Variants in RIF1 observed in about 807,000 individuals in gnomAD.
The protein encoded by RIF1 is replication timing regulatory factor 1.
RIF1 carries 45 observed loss-of-function variants against 247.1 expected under a neutral mutation model. The observed-to-expected ratio is 0.18, with a 90% CI of 0.14 to 0.23. The LOEUF is 0.23. RIF1 is among the 10% of genes least tolerant of loss of function. The pLI, the probability that RIF1 is intolerant of heterozygous loss-of-function variation, is 1.00. For synonymous variants in RIF1, 1,087 were observed against 978.8 expected, an observed-to-expected ratio of 1.11 and a Z score of -2.06; for missense variants, 2,967 against 2,862.5, an observed-to-expected ratio of 1.04 and a Z score of -0.83.
At chr2:151,451,161 G>C (rs1694250766) in intron 20 of RIF1, among the ~76,000 whole-genome samples, 1 of 152,294 alleles carries the variant, frequency 6.6e-6, no homozygotes, top group South Asian at 2.1e-4. Context: ...ACAACAGACC[G>C]CAAATCTAGT....
chr2:151,419,590 C>T (rs1687828791), intron 6 of RIF1, among the ~76,000 whole-genome samples: 2 of 152,122 alleles, frequency 1.3e-5, no homozygotes, highest in South Asian at 2.1e-4. Context: ...TCCCAAAGTG[C>T]TGAGATTACA....
At position 151,440,069 on chromosome 2, in the gene RIF1, T is replaced by C. The variant is rs775955737; in HGVS notation, c.1589T>C (p.Leu530Ser). 28 of 1,601,868 alleles carry C rather than the reference T, an allele frequency of 1.7e-5. No individual in the cohort carries two copies. Among genetic ancestry groups the C allele is most frequent in the Middle Eastern group, 3.3e-4 (2 of 5,980 alleles). The change falls in exon 15 of 36, where the codon TTA (leucine) becomes TCA (serine). Residue 530 changes from leucine to serine, a missense_variant. By Grantham distance (145) the Leu-to-Ser change is moderately radical. Coordinates refer to ENST00000444746, the MANE Select transcript of RIF1 (RefSeq NM_018151.5). ...CCAGGTTCTGAAGTTTTGACTCTCTTATTAAAGTCTTTGGAAAGCATAGTA... is the reference window on the plus strand; with the variant it reads ...CCAGGTTCTGAAGTTTTGACTCTCTCATTAAAGTCTTTGGAAAGCATAGTA... Reference protein sequence around the residue: ...EKPGSEVLTLLLKSLESIVKS... With the variant: ...EKPGSEVLTLSLKSLESIVKS...
rs530159030 is a variant in RIF1 at position 151,449,204 on chromosome 2, T to C, written c.2245-2402T>C. Among the ~76,000 whole-genome samples the C allele has an allele frequency of 7.2e-5, 11 of 152,356 alleles. No homozygotes were observed. In the South Asian group the frequency reaches 2.3e-3, roughly 32 times the overall value. On this transcript the variant is annotated intron_variant, in intron 20 of 35. Coordinates refer to ENST00000444746, the MANE Select transcript of RIF1 (RefSeq NM_018151.5). ...TGCTTACATACTTCCTTGTATTGAA[T>C]CATGTGTTTTTGGGATACACTTCTT...
Position 151,466,071 on chromosome 2 carries a change from G to T in RIF1, c.6551G>T (p.Arg2184Ile). 1.2e-6 allele frequency: 2 copies of T among 1,608,078 alleles called. No individual in the cohort carries two copies. Among genetic ancestry groups the T allele is most frequent in the South Asian group, 1.1e-5 (1 of 90,410 alleles). ...TCTCCGTCTACGAGCATTTTAAAGA[G>T]AGGACTAAAAAGATCCCAAGAAGAT... ...LASPSTSILK[R>I]GLKRSQEDEI... The change falls in exon 30 of 36, where the codon AGA becomes ATA. Residue 2184 changes from arginine to isoleucine, a missense_variant. Physicochemically the swap from Arg to Ile is moderately conservative, Grantham distance 97 (BLOSUM62 -3). Transcript: ENST00000444746.
chr2:151,492,495 C>T, intron 9 of RIF1: 1 of 1,606,220 alleles, frequency 6.2e-7, no homozygotes, highest in Non-Finnish European at 8.5e-7. Context: ...AATAAAGAAC[C>T]TGATGCAGGA....
chr2:151,489,992 T>C, intron 9 of RIF1: 1 of 1,607,778 alleles, frequency 6.2e-7, no homozygotes, highest in Non-Finnish European at 8.5e-7. Flanking sequence ...ATGGATGAGA[T>C]GGGATGGAAG....
rs1696775736 is a variant in RIF1 at position 151,465,636 on chromosome 2, C to T, written c.6116C>T (p.Thr2039Ile). Residue 2039 changes from threonine (T) to isoleucine (I), a missense_variant, in exon 30 of 36, where the codon ACA (threonine) becomes ATA (isoleucine). By Grantham distance (89) the Thr-to-Ile change is moderately conservative. This residue lies in a region of RIF1 where 2,028 missense variants were observed against 1,825.6 expected (regional missense o/e 1.11). Coordinates refer to ENST00000444746, the MANE Select transcript of RIF1 (RefSeq NM_018151.5). ...AMAETGHDGE[T>I]ENEGITTKTS... is the part of the protein sequence containing the mutation. ...GCTGAAACTGGCCATGATGGTGAAA[C>T]AGAGAATGAGGGCATAACTACCAAA... 6.2e-7 allele frequency: 1 copy of T among 1,614,032 alleles called. No homozygotes were observed. The highest frequency in any genetic ancestry group is 1.3e-5 in the African/African-American group (1 of 75,012).
In RIF1 at chr2:151,435,506, A is replaced by T. The variant is rs750424945; in HGVS notation, c.1121A>T (p.Asn374Ile). 6.2e-7 allele frequency: 1 copy of T among 1,613,148 alleles called. No individual in the cohort carries two copies. The highest frequency in any genetic ancestry group is 8.5e-7 in the Non-Finnish European group (1 of 1,179,306). Reference sequence around the variant, plus strand: ...CAAAGTACAATAAGCATTGATTCTAATGCCTCACCTCAGGGCAATTCGTGT... The same window carrying T: ...CAAAGTACAATAAGCATTGATTCTATTGCCTCACCTCAGGGCAATTCGTGT... ...LIQSTISIDS[N>I]ASPQGNSCHV... Residue 374 changes from asparagine (N) to isoleucine (I), a missense_variant, in exon 11 of 36, where the codon AAT becomes ATT. Physicochemically the swap from Asn to Ile is moderately radical, Grantham distance 149. This residue lies in a region of RIF1 where 369 missense variants were observed against 322.0 expected (regional missense o/e 1.15). Transcript: ENST00000444746.
intron 6 of RIF1, among the ~76,000 whole-genome samples, chr2:151,418,095 A>G (rs184072933): frequency 1.3e-5 from 2 of 152,330 alleles, no homozygotes; most frequent in African/African-American, 4.8e-5. Flanking sequence ...GTGATGAGGG[A>G]ATGTGAAGGT....
At chr2:151,527,608 G>A in the RIF1 span, 1 of 1,561,408 alleles carries the variant, frequency 6.4e-7, no homozygotes, top group East Asian at 2.3e-5. Flanking sequence ...GGAGAGAAAG[G>A]AATCACTTGA....
the RIF1 span, chr2:151,514,284 T>C: frequency 1.4e-6 from 2 of 1,421,316 alleles, no homozygotes; most frequent in Non-Finnish European, 2.0e-6. Flanking sequence ...TGATGCTGTA[T>C]GAATTACGTG....
the RIF1 span, among the ~76,000 whole-genome samples, chr2:151,521,313 G>A: frequency 9.8e-4 from 149 of 152,312 alleles, no homozygotes; most frequent in African/African-American, 3.5e-3. Context: ...GAACAGTTCA[G>A]CATGATGCAG....
chr2:151,447,297 T>C (rs1010789644), intron 20 of RIF1, among the ~76,000 whole-genome samples: 1 of 152,342 alleles, frequency 6.6e-6, no homozygotes, highest in African/African-American at 2.4e-5. Context: ...TTGATATGCG[T>C]CATTCCAGAA....
rs758105619 is a variant in RIF1 at position 151,499,360 on chromosome 2, TC to T, written c.*532del. 4.5e-6 allele frequency: 7 copies of T among 1,546,420 alleles called. No homozygotes were observed. The highest frequency in any genetic ancestry group is 6.1e-6 in the Non-Finnish European group (7 of 1,143,596). On this transcript the variant is annotated 3_prime_UTR_variant and NMD_transcript_variant, in exon 11 of 14. Coordinates refer to the RIF1 transcript ENST00000454583. ...ATCTCTGGAGTGATGGGGATTGGAA[TC>T]CCTTTTCCAACGTTTTCTTTATACA...
chr2:151,446,121 C>T (rs991104505), intron 19 of RIF1, among the ~76,000 whole-genome samples: 9 of 152,106 alleles, frequency 5.9e-5, no homozygotes, highest in African/African-American at 1.7e-4. Context: ...ATTCTCCTAC[C>T]TCAGCCTCCC....
At chr2:151,515,032 T>C in the RIF1 span, 4 of 693,440 alleles carry the variant, frequency 5.8e-6, no homozygotes, top group Non-Finnish European at 9.8e-6. Context: ...ATGTATGGGC[T>C]CTTAATCATA....
chr2:151,529,278 T>C, the RIF1 span: 1 of 1,613,646 alleles, frequency 6.2e-7, no homozygotes, highest in Non-Finnish European at 8.5e-7. Context: ...ATGGTGCAGT[T>C]GGATTTATTT....
intron 8 of RIF1, among the ~76,000 whole-genome samples, chr2:151,426,635 C>CA (rs1468466653): frequency 2.0e-5 from 3 of 151,636 alleles, no homozygotes; most frequent in East Asian, 1.9e-4. Context: ...CCCATGAACA[C>CA]AGATGTCTTT....
At chr2:151,472,884 A>G (rs1279858232) in intron 34 of RIF1, among the ~76,000 whole-genome samples, 1 of 152,242 alleles carries the variant, frequency 6.6e-6, no homozygotes, top group Non-Finnish European at 1.5e-5. Context: ...TGGTGGCCTC[A>G]TAAAAAGAGT....
Sources: gnomAD v4.1 joint callset for allele counts (sites outside exome capture counted in the v4.1 genomes callset) on GRCh38, gnomAD v4.1.1 for gene constraint, gnomAD v4.1.1 regional missense constraint, MANE v1.5 for transcripts, NCBI Gene and HGNC (gene_info 2026-07-23, HGNC 2026-07-21) for gene names.